Variants in SUCO observed in about 807,000 individuals in gnomAD.
SUCO encodes SUN domain containing ossification factor, also known as SUN domain-containing ossification factor.
SUCO carries 57 observed loss-of-function variants against 148.1 expected under a neutral mutation model. The observed-to-expected ratio is 0.38, with a 90% CI of 0.31 to 0.48. The LOEUF (loss-of-function observed/expected upper bound fraction) is 0.48, where lower values mean the gene tolerates loss of function less well. Among genes scored for constraint, SUCO ranks in the 20% least tolerant of loss-of-function variants. The probability of loss-of-function intolerance (pLI) is 0.96; values close to 1 mark genes in which losing one functional copy is unlikely to be tolerated. For missense variants in SUCO, 1,331 were observed against 1,468.2 expected (o/e 0.91, Z 1.53); for synonymous variants, 470 against 502.7 (o/e 0.93, Z 0.87).
chr1:172,602,552 C>T (rs1013112268), intron 21 of SUCO, 144 bp from the exon 22 acceptor site: 53 of 1,431,860 alleles, frequency 3.7e-5, no homozygotes, highest in South Asian at 1.7e-5. Context: ...TTTTTTTCCA[C>T]CTGTATTAGC....
chr1:172,587,184 A>G (rs991410880), intron 17 of SUCO, among the ~76,000 whole-genome samples: 4 of 151,980 alleles, frequency 2.6e-5, no homozygotes, highest in African/African-American at 9.7e-5. Flanking sequence ...TTAGTTTTTT[A>G]ATAGATATTT....
chr1:172,543,957 A>G (rs1652685714), intron 1 of SUCO, among the ~76,000 whole-genome samples: 3 of 152,190 alleles, frequency 2.0e-5, no homozygotes, highest in South Asian at 4.1e-4. Context: ...TAGGTTGCTT[A>G]AGCAAAGGCA....
rs1386106627 is a variant in SUCO, at chr1:172,533,187, A to G, written c.-249A>G. ...TGGCGGCTGCAGGAGGCGGGCGTGG[A>G]CGAGCCGGTGGCTGCAGCGGCGGCG... is the stretch of plus-strand genomic sequence containing the variant. On this transcript the variant is annotated 5_prime_UTR_variant, in exon 1 of 24. Coordinates refer to ENST00000263688, the MANE Select transcript of SUCO (RefSeq NM_014283.5). The G allele has an allele frequency of 1.5e-5, 23 of 1,495,332 alleles. No individual in the cohort carries two copies. The highest frequency in any genetic ancestry group is 2.0e-5 in the Non-Finnish European group (23 of 1,123,706). 92.6% of individuals were successfully genotyped at this position (1,495,332 alleles called of 1,614,324 possible).
At chr1:172,578,214 G>A (rs2149252278) in intron 13 of SUCO, 84 bp from the exon 14 acceptor site, 1 of 1,063,528 alleles carries the variant, frequency 9.4e-7, no homozygotes. Context: ...TATGACCAAA[G>A]TTGATGTTTG....
At chr1:172,556,774 C>G (rs1324099006) in intron 4 of SUCO, 1 of 968,248 alleles carries the variant, frequency 1.0e-6, no homozygotes, top group Non-Finnish European at 1.2e-6. Context: ...TTAAATGATT[C>G]AGAAGGAATT....
chr1:172,577,015 T>C (rs1655495708), intron 11 of SUCO: 3 of 769,174 alleles, frequency 3.9e-6, no homozygotes, highest in Non-Finnish European at 4.7e-6. Context: ...TAACATAGCA[T>C]ACCAAAAATT....
chr1:172,564,773 T>G (rs1042843164), intron 6 of SUCO, among the ~76,000 whole-genome samples: 15 of 152,224 alleles, frequency 9.9e-5, no homozygotes, highest in Non-Finnish European at 1.6e-4. Context: ...ATTACTCTTT[T>G]TTTATATCCT....
Position 172,589,561 on chromosome 1 carries a change from G to C in SUCO, c.2460G>C (p.Leu820=), listed in dbSNP as rs191964418. 1.2e-6 allele frequency: 2 copies of C among 1,613,756 alleles called. No individual in the cohort carries two copies. Among genetic ancestry groups the C allele is most frequent in the South Asian group, 1.1e-5 (1 of 91,044 alleles). The part of the protein sequence containing the change: ...DVNSMQIFTK[L]SETIVPPINT... ...ACTCCATGCAAATTTTCACAAAGCT[G>C]TCTGAAACAATAGTGCCACCAATAA... is the stretch of plus-strand genomic sequence containing the variant. Residue 820 remains leucine (L), a synonymous_variant, in exon 18 of 24, where the codon CTG becomes CTC. Coordinates refer to ENST00000263688, the MANE Select transcript of SUCO (RefSeq NM_014283.5).
In SUCO at chr1:172,610,018, A is replaced by T; in HGVS notation, c.3524A>T (p.Glu1175Val). ...GSSETSSQSE[E>V]SYFCGISACT... ...TCAGAAACTTCATCACAGTCAGAAG[A>T]GTCCTATTTTTGTGGCATTTCAGCT... The change falls in exon 24 of 24, where the codon GAG becomes GTG. Residue 1175 changes from glutamate (E) to valine (V), a missense_variant. Physicochemically the swap from Glu to Val is moderately radical, Grantham distance 121 (BLOSUM62 -2). This residue lies in a region of SUCO where 334 missense variants were observed against 352.3 expected (regional missense o/e 0.95). Coordinates refer to ENST00000263688, the MANE Select transcript of SUCO (RefSeq NM_014283.5). The T allele has an allele frequency of 6.2e-7, 1 of 1,614,004 alleles. No individual in the cohort carries two copies. The highest frequency in any genetic ancestry group is 8.5e-7 in the Non-Finnish European group (1 of 1,179,912).
At chr1:172,543,242 T>C (rs74124233) in intron 1 of SUCO, among the ~76,000 whole-genome samples, 17,324 of 152,198 alleles carry the variant, frequency 0.11, 1,198 homozygotes, top group Middle Eastern at 0.22. Flanking sequence ...CTTACTGTTG[T>C]AGCTTTATTT....
chr1:172,561,239 C>T lies in SUCO; in HGVS notation c.732+3445C>T, dbSNP rs1654128120. ...ATGAGTGCACTGGAGGTATACATACCCAACTTCCCAGGTCCAGGTAATGGT... is the reference window on the plus strand; with the variant it reads ...ATGAGTGCACTGGAGGTATACATACTCAACTTCCCAGGTCCAGGTAATGGT... On this transcript the variant is annotated intron_variant, in intron 6 of 23. Transcript: ENST00000263688. Among the ~76,000 whole-genome samples the T allele has an allele frequency of 2.0e-5, 3 of 152,134 alleles. No individual in the cohort carries two copies. The South Asian group carries it at 6.2e-4, about 31-fold the overall frequency.
chr1:172,609,056 G>C (rs879259669), intron 23 of SUCO, among the ~76,000 whole-genome samples: 1 of 152,038 alleles, frequency 6.6e-6, no homozygotes, highest in Non-Finnish European at 1.5e-5. Context: ...GAGAGAAAAT[G>C]TGTGACCTGC....
At position 172,585,092 on chromosome 1, in the gene SUCO, T is replaced by TA; in HGVS notation, c.1567+8dup. The TA allele has an allele frequency of 6.3e-7, 1 of 1,595,518 alleles. No individual in the cohort carries two copies. The highest frequency in any genetic ancestry group is 8.6e-7 in the Non-Finnish European group (1 of 1,168,052). On this transcript the variant is annotated splice_region_variant and intron_variant, in intron 16 of 23. Coordinates refer to ENST00000263688, the MANE Select transcript of SUCO (RefSeq NM_014283.5). ...AACTGAAGACCTGACAGAAGGTACC[T>TA]AATCATTTTATGGGTCTTTTAAATA...
At chr1:172,558,547 C>G (rs1240295314) in intron 6 of SUCO, among the ~76,000 whole-genome samples, 2 of 151,436 alleles carry the variant, frequency 1.3e-5, no homozygotes, top group Non-Finnish European at 1.5e-5. Context: ...CTTTTGTTCT[C>G]TGCTTTCTTT....
chr1:172,532,444 G>C, upstream of SUCO: 2 of 1,561,906 alleles, frequency 1.3e-6, no homozygotes, highest in Non-Finnish European at 8.7e-7. Context: ...AGAAGAAAAA[G>C]CGAAAGGTTT....
rs755051928 is a variant in SUCO, at chr1:172,602,256, T to C, written c.3173+38T>C. The C allele has an allele frequency of 2.0e-5, 31 of 1,515,182 alleles. No homozygotes were observed. In the South Asian group the frequency reaches 3.9e-4, roughly 19 times the overall value. 93.9% of individuals were successfully genotyped at this position (1,515,182 alleles called of 1,614,324 possible). A position where few individuals can be genotyped will look rare whatever the true frequency, so the allele number is the denominator to read the frequency against. On this transcript the variant is annotated intron_variant, in intron 21 of 23. Transcript: ENST00000263688. ...TTATATTTCACAATTTTATTTTTTT[T>C]ACTATGCTTTGTATATTTTTGAGAA...
At chr1:172,576,890 T>A in intron 11 of SUCO, 1 of 789,304 alleles carries the variant, frequency 1.3e-6, no homozygotes, top group Non-Finnish European at 1.5e-6. Context: ...GTAAGTTTTT[T>A]ACCTGGATGT....
At position 172,589,488 on chromosome 1, in the gene SUCO, CA is replaced by C. The variant is rs773021744; in HGVS notation, c.2390del (p.Asn797IlefsTer6). 1 of 1,610,884 alleles carries C rather than the reference CA, an allele frequency of 6.2e-7. No individual in the cohort carries two copies. The highest frequency in any genetic ancestry group is 8.5e-7 in the Non-Finnish European group (1 of 1,178,858). On this transcript the variant is annotated frameshift_variant, in exon 18 of 24. Transcript: ENST00000263688. LOFTEE classifies it high-confidence loss of function. ...SIEKPSITYE[T>X]NKVNELMDNI... ...GAGAAACCATCTATTACCTATGAAA[CA>C]AATAAAGTTAATGAGTTAATGGATA...
At chr1:172,601,945 G>T in intron 20 of SUCO, 119 bp from the exon 21 acceptor site, 2 of 981,104 alleles carry the variant, frequency 2.0e-6, no homozygotes, top group Non-Finnish European at 2.8e-6. Context: ...CTGCATTTCT[G>T]GTCTTTGAAG....
Sources: allele counts gnomAD v4.1 joint callset (sites outside exome capture counted in the v4.1 genomes callset), GRCh38; gene constraint gnomAD v4.1.1; regional missense constraint gnomAD v4.1.1; transcripts MANE v1.5; gene names NCBI Gene and HGNC (gene_info 2026-07-23, HGNC 2026-07-21).